LMO7: variants seen among roughly 807,000 people sequenced by gnomAD.
LMO7 encodes the protein LIM domain 7.
In LMO7, 120 loss-of-function variants were observed where a neutral mutation model predicts 206.5. The ratio of observed to expected loss-of-function variants is 0.58; its 90% CI spans 0.50 to 0.68. The LOEUF (loss-of-function observed/expected upper bound fraction) is 0.68, where lower values mean the gene tolerates loss of function less well. LMO7 is among the 30% of genes least tolerant of loss of function. LMO7 has a pLI of 0.00. For missense variants in LMO7, 1,959 were observed against 1,957.9 expected, an observed-to-expected ratio of 1.00 and a Z score of -0.01; for synonymous variants, 706 against 681.5, an observed-to-expected ratio of 1.04 and a Z score of -0.56.
chr13:75,800,814 T>G lies in LMO7; in HGVS notation c.593T>G (p.Leu198Trp). 6.2e-7 allele frequency: 1 copy of G among 1,614,154 alleles called. No individual in the cohort carries two copies. ...HHKREDSFES[L>W]DSLGSRSLTS... is the part of the protein sequence containing the mutation. ...AAGAGAGAAGATTCCTTTGAAAGCT[T>G]GGACTCTTTGGGCTCGAGGTCATTG... Residue 198 changes from leucine (L) to tryptophan (W), a missense_variant, in exon 7 of 31, where the codon TTG becomes TGG. Coordinates refer to ENST00000377534, the MANE Select transcript of LMO7 (RefSeq NM_001306080.2).
At chr13:75,700,563 C>A (rs1025181233) in intron 1 of LMO7, among the ~76,000 whole-genome samples, 2 of 152,232 alleles carry the variant, frequency 1.3e-5, no homozygotes, top group African/African-American at 4.8e-5. Flanking sequence ...CACCTTTTCA[C>A]TTAAAGGGAG....
At chr13:75,689,619 A>G (rs1296526791) in intron 1 of LMO7, among the ~76,000 whole-genome samples, 1 of 152,204 alleles carries the variant, frequency 6.6e-6, no homozygotes, top group Non-Finnish European at 1.5e-5. Flanking sequence ...CAGCTAGAAT[A>G]AAGCAGGCAA....
intron 1 of LMO7, among the ~76,000 whole-genome samples, chr13:75,695,451 A>C (rs2041828117): frequency 6.6e-6 from 1 of 152,122 alleles, no homozygotes; most frequent in Admixed American, 6.5e-5. Context: ...GGTTCAAGCG[A>C]TTCTCCTGTC....
chr13:75,847,853 A>T (rs77575815), intron 26 of LMO7, among the ~76,000 whole-genome samples: 1 of 152,156 alleles, frequency 6.6e-6, no homozygotes, highest in Non-Finnish European at 1.5e-5. Flanking sequence ...AGTAGGAGAC[A>T]GTTACTTTAT....
intron 1 of LMO7, among the ~76,000 whole-genome samples, chr13:75,681,079 T>C (rs185223921): frequency 5.3e-5 from 8 of 152,274 alleles, no homozygotes; most frequent in African/African-American, 1.7e-4. Flanking sequence ...GTCAGATGGA[T>C]AATTGCAGAA....
At chr13:75,829,211 T>C (rs901200168) in intron 15 of LMO7, among the ~76,000 whole-genome samples, 1 of 152,010 alleles carries the variant, frequency 6.6e-6, no homozygotes, top group African/African-American at 2.4e-5. Context: ...CTAATGAAAC[T>C]GAGAAGTGGC....
At chr13:75,748,384 G>A (rs1006253652) in intron 3 of LMO7, among the ~76,000 whole-genome samples, 13 of 152,274 alleles carry the variant, frequency 8.5e-5, no homozygotes, top group African/African-American at 2.2e-4. Flanking sequence ...ATGACCTTGG[G>A]CAAGTCACGT....
At chr13:75,666,066 C>CTGCA (rs574467155) in intron 1 of LMO7, among the ~76,000 whole-genome samples, 104 of 152,304 alleles carry the variant, frequency 6.8e-4, no homozygotes, top group Non-Finnish European at 1.0e-3. Flanking sequence ...TGTTTTCTGA[C>CTGCA]TGCACTTGGA....
intron 1 of LMO7, among the ~76,000 whole-genome samples, chr13:75,682,381 TG>T (rs1386271383): frequency 2.6e-5 from 4 of 152,200 alleles, no homozygotes; most frequent in African/African-American, 9.6e-5. Context: ...GCTTGGATTT[TG>T]TCTGAAGTTA....
intron 11 of LMO7, among the ~76,000 whole-genome samples, chr13:75,812,263 T>C (rs747896386): frequency 2.1e-4 from 32 of 152,240 alleles, no homozygotes; most frequent in Non-Finnish European, 3.1e-4. Flanking sequence ...TATAAATCTA[T>C]AAATGAAAAA....
intron 2 of LMO7, among the ~76,000 whole-genome samples, chr13:75,717,384 CACAA>C (rs1250176567): frequency 2.1e-5 from 3 of 143,462 alleles, no homozygotes; most frequent in African/African-American, 7.7e-5. Flanking sequence ...AAAAAAAACA[CACAA>C]ACAAAAAAAC....
At chr13:75,687,972 G>A (rs2041154973) in intron 1 of LMO7, among the ~76,000 whole-genome samples, 2 of 152,144 alleles carry the variant, frequency 1.3e-5, no homozygotes, top group Non-Finnish European at 2.9e-5. Context: ...TGCCATTCTT[G>A]TGATAGTGAA....
At chr13:75,642,672 GA>G (rs1186043392) in intron 1 of LMO7, among the ~76,000 whole-genome samples, 4 of 151,966 alleles carry the variant, frequency 2.6e-5, no homozygotes, top group East Asian at 1.9e-4. Flanking sequence ...CCCACTGGGT[GA>G]AAAAAACGGT....
chr13:75,819,036 G>T (rs2057327491), intron 12 of LMO7, among the ~76,000 whole-genome samples: 1 of 152,180 alleles, frequency 6.6e-6, no homozygotes, highest in Non-Finnish European at 1.5e-5. Flanking sequence ...AACATGTTTC[G>T]CAGAACAGCC....
intron 4 of LMO7, among the ~76,000 whole-genome samples, chr13:75,780,776 A>G (rs966443671): frequency 1.3e-5 from 2 of 152,220 alleles, no homozygotes; most frequent in Admixed American, 1.3e-4. Flanking sequence ...AAAAGTATTC[A>G]TTTGGGGAAC....
intron 8 of LMO7, chr13:75,804,945 G>C (rs1447994740): frequency 9.9e-7 from 1 of 1,005,068 alleles, no homozygotes; most frequent in Non-Finnish European, 1.2e-6. Flanking sequence ...TTCCTCTCAT[G>C]GGGAGGCGTA....
chr13:75,707,917 T>C (rs1247219935), intron 1 of LMO7, among the ~76,000 whole-genome samples: 4 of 152,016 alleles, frequency 2.6e-5, no homozygotes, highest in African/African-American at 7.2e-5. Context: ...TATCATCTTT[T>C]TGGGGGAGAT....
At position 75,841,122 on chromosome 13, in the gene LMO7, G is replaced by T; in HGVS notation, c.3596G>T (p.Arg1199Leu). The T allele has an allele frequency of 6.2e-7, 1 of 1,609,326 alleles. No homozygotes were observed. Among genetic ancestry groups the T allele is most frequent in the Non-Finnish European group, 8.5e-7 (1 of 1,176,308 alleles). The change falls in exon 23 of 31, where the codon CGT becomes CTT. Residue 1199 changes from arginine (R) to leucine (L), a missense_variant. Physicochemically the swap from Arg to Leu is moderately radical, Grantham distance 102. Transcript: ENST00000377534. The part of the protein sequence containing the change: ...QDRLLQEKYQ[R>L]EQEKLREEWQ... Reference sequence around the variant, plus strand: ...ATTTTCTTATAGGAAAAATATCAACGTGAGCAGGAGAAACTGAGGGAAGAG... The same window carrying T: ...ATTTTCTTATAGGAAAAATATCAACTTGAGCAGGAGAAACTGAGGGAAGAG...
intron 3 of LMO7, among the ~76,000 whole-genome samples, chr13:75,734,192 G>T (rs947945558): frequency 1.3e-5 from 2 of 152,140 alleles, no homozygotes; most frequent in African/African-American, 4.8e-5. Flanking sequence ...TTCAAATCAG[G>T]ATTTTGTGTA....
Sources: allele counts gnomAD v4.1 joint callset (sites outside exome capture counted in the v4.1 genomes callset), GRCh38; gene constraint gnomAD v4.1.1; transcripts MANE v1.5; gene names NCBI Gene and HGNC (gene_info 2026-07-23, HGNC 2026-07-21).